CAST: variants seen among roughly 807,000 people sequenced by gnomAD.
CAST encodes the protein MIR583 host.
In CAST, 76 loss-of-function variants were observed where a neutral mutation model predicts 119.6. The observed-to-expected ratio is 0.64, with a 90% CI of 0.53 to 0.77. The LOEUF is 0.77. Among genes scored for constraint, CAST ranks in the 30% least tolerant of loss-of-function variants. The pLI is 0.00. For missense variants in CAST, 953 were observed against 946.5 expected (o/e 1.01, Z -0.09); for synonymous variants, 319 against 331.6 (o/e 0.96, Z 0.41).
chr5:96,363,960 G>T, the CAST span, among the ~76,000 whole-genome samples: 34 of 152,220 alleles, frequency 2.2e-4, no homozygotes, highest in African/African-American at 8.2e-4. Flanking sequence ...TATGATATTG[G>T]CTGTGGGTTT....
chr5:96,027,117 C>T, the CAST span, among the ~76,000 whole-genome samples: 20 of 151,864 alleles, frequency 1.3e-4, no homozygotes, highest in Non-Finnish European at 8.8e-5. Context: ...TACTTGGAAG[C>T]CTGAGGTGAA....
chr5:96,107,923 C>A, the CAST span, among the ~76,000 whole-genome samples: 2 of 152,022 alleles, frequency 1.3e-5, no homozygotes, highest in African/African-American at 4.8e-5. Context: ...TTGTTCATTT[C>A]TTTTTATTCT....
At chr5:96,057,545 T>A in the CAST span, among the ~76,000 whole-genome samples, 3,357 of 152,260 alleles carry the variant, frequency 0.022, 125 homozygotes, top group African/African-American at 0.076. Context: ...TTCTGATTGA[T>A]CTTCTTAGGA....
chr5:96,432,784 C>T, the CAST span: 7 of 1,184,668 alleles, frequency 5.9e-6, no homozygotes, highest in Admixed American at 1.2e-4. Flanking sequence ...CAACCTGGGG[C>T]TCCCACTTGG....
At chr5:96,390,655 C>G in the CAST span, 1 of 152,486 alleles carries the variant, frequency 6.6e-6, no homozygotes. Flanking sequence ...TTATTATGCT[C>G]TTTAAAATTC....
At chr5:96,550,767 C>T (rs1746111656) in intron 1 of CAST, among the ~76,000 whole-genome samples, 1 of 152,232 alleles carries the variant, frequency 6.6e-6, no homozygotes, top group South Asian at 2.1e-4. Context: ...CTTCATAAAG[C>T]ATACACAAGC....
chr5:96,189,527 C>G, the CAST span, among the ~76,000 whole-genome samples: 1 of 152,124 alleles, frequency 6.6e-6, no homozygotes, highest in East Asian at 1.9e-4. Context: ...TTATGTCTTC[C>G]TTCAGCTTTG....
At chr5:96,027,982 T>TGA in the CAST span, among the ~76,000 whole-genome samples, 8,854 of 152,174 alleles carry the variant, frequency 0.058, 502 homozygotes, top group African/African-American at 0.14. Context: ...AATGGAGATA[T>TGA]TCTCCTTCTG....
At chr5:96,226,683 T>C in the CAST span, among the ~76,000 whole-genome samples, 1 of 152,050 alleles carries the variant, frequency 6.6e-6, no homozygotes, top group Admixed American at 6.6e-5. Context: ...AAAAATCAAA[T>C]GTATTTTAAG....
chr5:96,663,827 ATTTG>A (rs1034047608), intron 1 of CAST, among the ~76,000 whole-genome samples: 26 of 151,756 alleles, frequency 1.7e-4, no homozygotes, highest in African/African-American at 5.6e-4. Context: ...AGAACATTCC[ATTTG>A]TTTGGTGCAT....
the CAST span, among the ~76,000 whole-genome samples, chr5:96,134,734 TGGA>T: frequency 1.3e-5 from 2 of 152,216 alleles, no homozygotes; most frequent in Non-Finnish European, 2.9e-5. Context: ...TCAATATTTA[TGGA>T]GTGCTTACTA....
chr5:96,579,732 C>T (rs1746738227), intron 1 of CAST, among the ~76,000 whole-genome samples: 1 of 152,180 alleles, frequency 6.6e-6, no homozygotes. Context: ...GTTTACAGTT[C>T]ATTGTAGTTC....
At chr5:96,692,126 G>A (rs73774390) in intron 2 of CAST, among the ~76,000 whole-genome samples, 2,610 of 152,238 alleles carry the variant, frequency 0.017, 77 homozygotes, top group African/African-American at 0.059. Flanking sequence ...ACTGTGAGTA[G>A]ATGAATTCTT....
intron 1 of CAST, among the ~76,000 whole-genome samples, chr5:96,628,256 G>C (rs539438120): frequency 6.6e-6 from 1 of 152,186 alleles, no homozygotes; most frequent in African/African-American, 2.4e-5. Flanking sequence ...AACTTTAGCA[G>C]GTCAGACACT....
At chr5:96,420,872 G>A in the CAST span, among the ~76,000 whole-genome samples, 1 of 152,108 alleles carries the variant, frequency 6.6e-6, no homozygotes, top group African/African-American at 2.4e-5. Flanking sequence ...CATCCAGAGA[G>A]AATAAAGAAG....
At chr5:96,560,975 G>T (rs1746345873) in intron 1 of CAST, among the ~76,000 whole-genome samples, 1 of 152,252 alleles carries the variant, frequency 6.6e-6, no homozygotes, top group African/African-American at 2.4e-5. Context: ...ATGATAGACT[G>T]GATTAAGAAA....
the CAST span, among the ~76,000 whole-genome samples, chr5:96,185,563 A>G: frequency 1.4e-4 from 22 of 152,334 alleles, no homozygotes; most frequent in Non-Finnish European, 1.6e-4. Flanking sequence ...AATTTTCTGC[A>G]TATGGCTAGC....
At chr5:96,625,966 C>T (rs1184289452) in intron 1 of CAST, among the ~76,000 whole-genome samples, 2 of 152,288 alleles carry the variant, frequency 1.3e-5, no homozygotes, top group Admixed American at 6.5e-5. Context: ...AGTCTGAGAC[C>T]CCTGACCAGT....
chr5:96,353,928 C>G, the CAST span, among the ~76,000 whole-genome samples: 1 of 152,160 alleles, frequency 6.6e-6, no homozygotes, highest in Non-Finnish European at 1.5e-5. Context: ...GCTTCTATTT[C>G]CCTGGGGAAC....
Sources: allele counts gnomAD v4.1 joint callset (sites outside exome capture counted in the v4.1 genomes callset), GRCh38; gene constraint gnomAD v4.1.1; transcripts MANE v1.5; gene names NCBI Gene and HGNC (gene_info 2026-07-23, HGNC 2026-07-21).